The following TSPAN9 variants were observed in gnomAD, a reference collection of about 807,000 sequenced individuals.
TSPAN9 encodes tetraspanin-9.
A neutral mutation model predicts 31.0 loss-of-function variants in TSPAN9; 16 were observed. That is an observed-to-expected ratio of 0.52 (90% CI 0.35 to 0.78). The LOEUF is 0.78. Among genes scored for constraint, TSPAN9 ranks in the 30% least tolerant of loss-of-function variants. TSPAN9 has a pLI of 0.01. For synonymous variants in TSPAN9, 145 were observed against 121.6 expected, an observed-to-expected ratio of 1.19 and a Z score of -1.27; for missense variants, 272 against 312.5, an observed-to-expected ratio of 0.87 and a Z score of 0.98.
intron 3 of TSPAN9, among the ~76,000 whole-genome samples, chr12:3,218,908 G>A (rs1172498243): frequency 6.6e-6 from 1 of 152,108 alleles, no homozygotes; most frequent in African/African-American, 2.4e-5. Context: ...TATAGCTGGA[G>A]CCCCCCAAAG....
intron 3 of TSPAN9, among the ~76,000 whole-genome samples, chr12:3,263,509 G>A (rs568820631): frequency 1.3e-5 from 2 of 152,372 alleles, no homozygotes; most frequent in Admixed American, 1.3e-4. Context: ...TCTGAAGGAG[G>A]TGGTGTAGCA....
chr12:3,276,754 G>T (rs1565643393), intron 3 of TSPAN9, among the ~76,000 whole-genome samples: 2 of 152,218 alleles, frequency 1.3e-5, no homozygotes. Flanking sequence ...TGAAGGCAGG[G>T]TCTTTGCCAG....
intron 3 of TSPAN9, among the ~76,000 whole-genome samples, chr12:3,207,269 G>A (rs2098375803): frequency 6.6e-6 from 1 of 151,946 alleles, no homozygotes. Context: ...CAGCTTCAGA[G>A]AGATGCCCCT....
At chr12:3,268,793 C>A (rs1862600406) in intron 3 of TSPAN9, among the ~76,000 whole-genome samples, 1 of 67,020 alleles carries the variant, frequency 1.5e-5, no homozygotes. Context: ...TTCCTGCAGC[C>A]TGCCCTCTCT....
At chr12:3,090,444 C>T (rs970582381) in intron 2 of TSPAN9, among the ~76,000 whole-genome samples, 1 of 151,638 alleles carries the variant, frequency 6.6e-6, no homozygotes, top group African/African-American at 2.4e-5. Context: ...AAGGAAGCTT[C>T]ATCATATATC....
chr12:3,228,702 A>G (rs1298246957), intron 3 of TSPAN9, among the ~76,000 whole-genome samples: 1 of 152,224 alleles, frequency 6.6e-6, no homozygotes, highest in Non-Finnish European at 1.5e-5. Context: ...GCTGGGAGGT[A>G]TCTTGGCACA....
At chr12:3,088,361 G>A (rs1591621224) in intron 2 of TSPAN9, among the ~76,000 whole-genome samples, 1 of 151,876 alleles carries the variant, frequency 6.6e-6, no homozygotes. Context: ...ACCTGGAGGC[G>A]CTTACAGCAT....
chr12:3,245,979 T>C (rs1862117421), intron 3 of TSPAN9, among the ~76,000 whole-genome samples: 1 of 152,024 alleles, frequency 6.6e-6, no homozygotes, highest in Non-Finnish European at 1.5e-5. Flanking sequence ...TGGGCTATTC[T>C]TGCATTGCTA....
intron 2 of TSPAN9, among the ~76,000 whole-genome samples, chr12:3,114,318 C>T (rs564348072): frequency 2.6e-4 from 40 of 152,044 alleles, no homozygotes; most frequent in Non-Finnish European, 4.6e-4. Context: ...TTTTTTTCAA[C>T]CTTATAAAGT....
In TSPAN9 at chr12:3,187,827, T is replaced by C. The variant is rs2098362215; in HGVS notation, c.-17-13350T>C. On this transcript the variant is annotated intron_variant, in intron 2 of 8. Coordinates refer to ENST00000011898, the MANE Select transcript of TSPAN9 (RefSeq NM_006675.5). This position sits in a 1 kb window ranked among gnomAD's most constrained non-coding sequence, Gnocchi z 5.2. ...AAGCCCTTCCTGATGGGCCAGACTC[T>C]CCCTGGGCAGGTCCTCGGGGCACTC... Among the ~76,000 whole-genome samples the C allele has an allele frequency of 6.6e-6, 1 of 152,098 alleles. No homozygotes were observed. Among genetic ancestry groups the C allele is most frequent in the South Asian group, 2.1e-4 (1 of 4,826 alleles).
At chr12:3,191,271 C>T (rs1380671749) in intron 2 of TSPAN9, among the ~76,000 whole-genome samples, 1 of 140,606 alleles carries the variant, frequency 7.1e-6, no homozygotes, top group Non-Finnish European at 1.6e-5. Context: ...GTCATCTGTG[C>T]TCTGGCCCAC....
At chr12:3,093,284 C>G (rs1173206482) in intron 2 of TSPAN9, among the ~76,000 whole-genome samples, 1 of 152,170 alleles carries the variant, frequency 6.6e-6, no homozygotes, top group African/African-American at 2.4e-5. Context: ...GGACTTGACC[C>G]TGTCTTTGGG....
chr12:3,174,678 G>A (rs181162497), intron 2 of TSPAN9, among the ~76,000 whole-genome samples: 5 of 151,850 alleles, frequency 3.3e-5, no homozygotes, highest in African/African-American at 1.2e-4. Flanking sequence ...CGCCTCCCGG[G>A]TTCGCGCCAT....
At position 3,147,906 on chromosome 12, in the gene TSPAN9, G is replaced by A. The variant is rs2098338028; in HGVS notation, c.-17-53271G>A. Among the ~76,000 whole-genome samples the A allele has an allele frequency of 6.6e-6, 1 of 152,092 alleles. No homozygotes were observed. Among genetic ancestry groups the A allele is most frequent in the African/African-American group, 2.4e-5 (1 of 41,386 alleles). ...GAGTGGTGTACACATATGTGGAGTCGGGTGGGTCGGGGGGCACAGCTTGGC... is the reference window on the plus strand; with the variant it reads ...GAGTGGTGTACACATATGTGGAGTCAGGTGGGTCGGGGGGCACAGCTTGGC... On this transcript the variant is annotated intron_variant, in intron 2 of 8. Transcript: ENST00000011898. This position sits in a 1 kb window ranked among gnomAD's most constrained non-coding sequence, Gnocchi z 4.3.
intron 2 of TSPAN9, among the ~76,000 whole-genome samples, chr12:3,162,316 C>T (rs970331469): frequency 2.6e-5 from 4 of 152,236 alleles, no homozygotes; most frequent in Non-Finnish European, 5.9e-5. Context: ...AATCATCCAG[C>T]TTCAGGTATT....
At chr12:3,243,755 T>C (rs600223) in intron 3 of TSPAN9, among the ~76,000 whole-genome samples, 31,223 of 152,102 alleles carry the variant, frequency 0.21, 3,472 homozygotes, top group East Asian at 0.3. Flanking sequence ...GTAGGCCCCA[T>C]TGATTTTCTG....
intron 2 of TSPAN9, among the ~76,000 whole-genome samples, chr12:3,175,229 A>G (rs539243244): frequency 3.3e-5 from 5 of 152,296 alleles, no homozygotes; most frequent in African/African-American, 1.2e-4. Flanking sequence ...CTGCAACCAG[A>G]ACTGGGAGGG....
intron 1 of TSPAN9, among the ~76,000 whole-genome samples, chr12:3,080,296 A>C (rs934712038): frequency 6.6e-6 from 1 of 152,144 alleles, no homozygotes; most frequent in African/African-American, 2.4e-5. Flanking sequence ...AAAAAATTCT[A>C]AAATTGTGGT....
At chr12:3,139,650 G>A (rs554577483) in intron 2 of TSPAN9, among the ~76,000 whole-genome samples, 7 of 152,162 alleles carry the variant, frequency 4.6e-5, no homozygotes, top group African/African-American at 1.4e-4. Context: ...GGCTCAAGTC[G>A]TTCTCCCACC....
Sources: gnomAD v4.1 joint callset for allele counts (sites outside exome capture counted in the v4.1 genomes callset) on GRCh38, gnomAD v4.1.1 for gene constraint, Gnocchi (gnomAD v3.1) non-coding constraint, MANE v1.5 for transcripts, NCBI Gene and HGNC (gene_info 2026-07-23, HGNC 2026-07-21) for gene names.